The following ADGRL2 variants were observed in gnomAD, a reference collection of about 807,000 sequenced individuals.
The protein encoded by ADGRL2 is adhesion G protein-coupled receptor L2.
ADGRL2 carries 44 observed loss-of-function variants against 157.4 expected under a neutral mutation model. That is an observed-to-expected ratio of 0.28 (90% CI 0.22 to 0.36). ADGRL2 has a LOEUF of 0.36. Ranked by LOEUF, ADGRL2 falls within the 10% of genes least tolerant of loss-of-function variation. ADGRL2 has a pLI of 1.00. For synonymous variants in ADGRL2, 585 were observed against 624.7 expected, an observed-to-expected ratio of 0.94 and a Z score of 0.95; for missense variants, 1,510 against 1,768.9, an observed-to-expected ratio of 0.85 and a Z score of 2.63.
At chr1:81,447,169 GA>G (rs1216187867) in intron 2 of ADGRL2, among the ~76,000 whole-genome samples, 6 of 148,728 alleles carry the variant, frequency 4.0e-5, no homozygotes, top group Non-Finnish European at 8.9e-5. Flanking sequence ...TTTATTGAAG[GA>G]AAAAAGTCAT....
rs1394234389 is a variant in ADGRL2 at position 81,675,577 on chromosome 1, T to G, written c.-142-86234T>G. Among the ~76,000 whole-genome samples the G allele has an allele frequency of 2.1e-4, 32 of 152,130 alleles. 1 individual carries two copies. In the East Asian group the frequency reaches 5.2e-3, roughly 25 times the overall value. On this transcript the variant is annotated intron_variant, in intron 3 of 24. Coordinates refer to the ADGRL2 transcript ENST00000370721. ...AGGCATTGGAAAAATAAACTGTTTT[T>G]TTTTTTTTTTCTTATTTTATTTGAG...
At chr1:81,503,082 G>C in intron 2 of ADGRL2, 2 of 1,609,394 alleles carry the variant, frequency 1.2e-6, no homozygotes. Context: ...AGTCAGGGGA[G>C]CCTGCTGAGA....
intron 3 of ADGRL2, among the ~76,000 whole-genome samples, chr1:81,691,324 T>G (rs1331443365): frequency 7.7e-6 from 1 of 129,456 alleles, no homozygotes; most frequent in East Asian, 2.1e-4. Context: ...TTCTGCTTGT[T>G]TTCTTTTTTT....
At chr1:81,701,278 G>A (rs1223879489) in intron 1 of ADGRL2, among the ~76,000 whole-genome samples, 1 of 152,172 alleles carries the variant, frequency 6.6e-6, no homozygotes, top group Non-Finnish European at 1.5e-5. Context: ...AACCATTGAT[G>A]CCAGGTCTGG....
chr1:81,577,155 G>A (rs1008614533), intron 2 of ADGRL2, among the ~76,000 whole-genome samples: 2 of 152,114 alleles, frequency 1.3e-5, no homozygotes, highest in African/African-American at 4.8e-5. Context: ...TTTGTGCCCT[G>A]CACCACAATG....
intron 2 of ADGRL2, chr1:81,502,263 C>T: frequency 1.9e-6 from 3 of 1,613,616 alleles, no homozygotes; most frequent in Non-Finnish European, 2.5e-6. Context: ...ACCAAAGATG[C>T]TTCCAAGGCC....
chr1:81,586,619 A>G (rs2081031325), intron 3 of ADGRL2, among the ~76,000 whole-genome samples: 2 of 152,126 alleles, frequency 1.3e-5, no homozygotes, highest in Admixed American at 1.3e-4. Context: ...AAATAATTTT[A>G]TTTAGAAAAA....
At chr1:81,418,136 A>G (rs1483482240) in intron 1 of ADGRL2, among the ~76,000 whole-genome samples, 1 of 152,234 alleles carries the variant, frequency 6.6e-6, no homozygotes, top group Non-Finnish European at 1.5e-5. Context: ...CTACCAATGT[A>G]TGCTAGGTCT....
intron 1 of ADGRL2, among the ~76,000 whole-genome samples, chr1:81,711,917 T>A (rs1026350986): frequency 6.6e-6 from 1 of 152,176 alleles, no homozygotes; most frequent in Non-Finnish European, 1.5e-5. Flanking sequence ...TTTCAGTGGT[T>A]TGTAATAAGT....
intron 3 of ADGRL2, among the ~76,000 whole-genome samples, chr1:81,667,804 A>C (rs1046990145): frequency 3.9e-5 from 6 of 152,260 alleles, no homozygotes; most frequent in African/African-American, 1.4e-4. Flanking sequence ...TTAATGTAAA[A>C]TTATAAGTTA....
At chr1:81,548,038 A>G (rs190521488) in intron 2 of ADGRL2, among the ~76,000 whole-genome samples, 54 of 152,342 alleles carry the variant, frequency 3.5e-4, no homozygotes, top group Middle Eastern at 3.4e-3. Context: ...AGAATGATTC[A>G]CACAGCTGGG....
chr1:81,650,215 A>G (rs773375698), intron 3 of ADGRL2, among the ~76,000 whole-genome samples: 15 of 152,156 alleles, frequency 9.9e-5, no homozygotes, highest in Non-Finnish European at 1.8e-4. Flanking sequence ...TAAATGAATG[A>G]TTGACTTTTG....
At chr1:81,448,003 G>A (rs2077630050) in intron 2 of ADGRL2, among the ~76,000 whole-genome samples, 1 of 151,930 alleles carries the variant, frequency 6.6e-6, no homozygotes, top group Non-Finnish European at 1.5e-5. Context: ...ATGTAAGTTG[G>A]CTTGCTTTCC....
At chr1:81,353,918 A>G (rs1663095014) in intron 1 of ADGRL2, among the ~76,000 whole-genome samples, 1 of 152,282 alleles carries the variant, frequency 6.6e-6, no homozygotes, top group Non-Finnish European at 1.5e-5. Context: ...GTATAAGAGA[A>G]AGGCTCAGGC....
chr1:81,415,354 C>G (rs2101478214), intron 1 of ADGRL2, among the ~76,000 whole-genome samples: 1 of 152,270 alleles, frequency 6.6e-6, no homozygotes, highest in African/African-American at 2.4e-5. Flanking sequence ...GTGTGTGTGT[C>G]TTTGTTAAAA....
At chr1:81,987,181 G>C in intron 22 of ADGRL2, 152 bp downstream of exon 22, 1 of 1,304,034 alleles carries the variant, frequency 7.7e-7, no homozygotes, top group Non-Finnish European at 1.1e-6. Flanking sequence ...TCTATGCCAG[G>C]CTTCTAAAAC....
chr1:81,763,160 T>C (rs912075483), intron 2 of ADGRL2, among the ~76,000 whole-genome samples: 10 of 151,998 alleles, frequency 6.6e-5, no homozygotes, highest in African/African-American at 1.7e-4. Context: ...TAAATAGATA[T>C]TGTTTTTATA....
chr1:81,599,937 T>C (rs1276620782), intron 3 of ADGRL2, among the ~76,000 whole-genome samples: 1 of 152,216 alleles, frequency 6.6e-6, no homozygotes, highest in Non-Finnish European at 1.5e-5. Context: ...GCAAAGCAAA[T>C]TAAATGTGTA....
At chr1:81,833,631 A>G (rs1438527890) in intron 1 of ADGRL2, among the ~76,000 whole-genome samples, 2 of 152,194 alleles carry the variant, frequency 1.3e-5, no homozygotes, top group Admixed American at 1.3e-4. Flanking sequence ...AATGTAATGT[A>G]AATATGTGAC....
Sources: allele counts gnomAD v4.1 joint callset (sites outside exome capture counted in the v4.1 genomes callset), GRCh38; gene constraint gnomAD v4.1.1; transcripts MANE v1.5; gene names NCBI Gene and HGNC (gene_info 2026-07-23, HGNC 2026-07-21).